AMBRA1: variants seen among roughly 807,000 people sequenced by gnomAD.
AMBRA1 encodes the protein activating molecule in BECN1-regulated autophagy protein 1.
Under a neutral mutation model 125.4 loss-of-function variants are expected in AMBRA1, and 47 were observed. The ratio of observed to expected loss-of-function variants is 0.37; its 90% CI spans 0.30 to 0.48. The LOEUF (loss-of-function observed/expected upper bound fraction) is 0.48. Among genes scored for constraint, AMBRA1 ranks in the 20% least tolerant of loss-of-function variants. The probability of loss-of-function intolerance (pLI) is 0.99; values close to 1 mark genes in which losing one functional copy is unlikely to be tolerated. For missense variants in AMBRA1, 1,331 were observed against 1,693.4 expected, an observed-to-expected ratio of 0.79 and a Z score of 3.76; for synonymous variants, 626 against 655.5, an observed-to-expected ratio of 0.95 and a Z score of 0.69.
chr11:46,423,668 G>A (rs900693934), intron 14 of AMBRA1, among the ~76,000 whole-genome samples: 15 of 152,108 alleles, frequency 9.9e-5, no homozygotes, highest in African/African-American at 3.1e-4. Context: ...TGGGATTACA[G>A]GCGTGAGCCA....
At chr11:46,408,100 G>A (rs1946110609) in intron 17 of AMBRA1, among the ~76,000 whole-genome samples, 2 of 152,186 alleles carry the variant, frequency 1.3e-5, no homozygotes, top group African/African-American at 4.8e-5. Flanking sequence ...GATTGTGAGA[G>A]GTCCTCCCAT....
intron 9 of AMBRA1, among the ~76,000 whole-genome samples, chr11:46,507,536 G>A (rs116404642): frequency 0.018 from 2,670 of 150,998 alleles, 84 homozygotes; most frequent in African/African-American, 0.062. Context: ...GGCTGACCCT[G>A]CTCCTTTAGC....
intron 11 of AMBRA1, among the ~76,000 whole-genome samples, chr11:46,484,547 ATATGGACATTAAGATTTCTACTTTGTAC>A: frequency 6.6e-6 from 1 of 152,336 alleles, no homozygotes; most frequent in Non-Finnish European, 1.5e-5. Context: ...CAATCCAGAC[ATATGGACATTAAGATTTCTACTTTGTAC>A]TAACTTACAT....
At chr11:46,582,459 T>C (rs2044210152) in intron 1 of AMBRA1, among the ~76,000 whole-genome samples, 1 of 152,252 alleles carries the variant, frequency 6.6e-6, no homozygotes, top group Non-Finnish European at 1.5e-5. Flanking sequence ...ATTATTTGTT[T>C]ACTGTCTCTC....
chr11:46,450,133 T>C (rs950175951), intron 11 of AMBRA1, among the ~76,000 whole-genome samples: 2 of 152,066 alleles, frequency 1.3e-5, no homozygotes, highest in Admixed American at 1.3e-4. Context: ...ATTTATTTAT[T>C]CATAATTGTC....
chr11:46,547,269 G>A lies in AMBRA1; in HGVS notation c.222C>T (p.Asn74=). Reference sequence around the variant, plus strand: ...TCACCTCCGTAATATAGATATTATGGTTCACATGGGTGGAGGCTAAGAGAG... The same window carrying A: ...TCACCTCCGTAATATAGATATTATGATTCACATGGGTGGAGGCTAAGAGAG... ...DRTLLASTHV[N]HNIYITEVKT... Residue 74 remains asparagine, a synonymous_variant, in exon 4 of 18, where the codon AAC becomes AAT. Transcript: ENST00000683756. The A allele has an allele frequency of 1.9e-6, 3 of 1,612,662 alleles. No individual in the cohort carries two copies. Among genetic ancestry groups the A allele is most frequent in the Non-Finnish European group, 2.5e-6 (3 of 1,179,580 alleles).
chr11:46,448,012 A>T (rs1948393233), intron 11 of AMBRA1, among the ~76,000 whole-genome samples: 1 of 152,196 alleles, frequency 6.6e-6, no homozygotes, highest in Non-Finnish European at 1.5e-5. Flanking sequence ...CTACAGTTAC[A>T]CTACTACTTA....
Position 46,547,803 on chromosome 11 carries a change from T to TA in AMBRA1, c.194+13dup, listed in dbSNP as rs771797503. The TA allele has an allele frequency of 8.1e-6, 13 of 1,604,576 alleles. No homozygotes were observed. The South Asian group carries it at 1.4e-4, about 18-fold the overall frequency. On this transcript the variant is annotated intron_variant, in intron 3 of 17. Transcript: ENST00000683756. ...GTTATCACAAATCTTAAGTTATAGA[T>TA]AAATACTGAGTACCTGTCTGGGCTG...
At chr11:46,429,288 A>T (rs1947335503) in intron 14 of AMBRA1, 2 of 756,510 alleles carry the variant, frequency 2.6e-6, no homozygotes, top group East Asian at 5.4e-5. Context: ...GGGGAGTGGG[A>T]GAGAGGCCCC....
At chr11:46,570,933 A>G (rs1016910990) in intron 1 of AMBRA1, among the ~76,000 whole-genome samples, 5 of 152,218 alleles carry the variant, frequency 3.3e-5, no homozygotes, top group Non-Finnish European at 5.9e-5. Flanking sequence ...AATGAACAAA[A>G]AAGGCCTCTA....
chr11:46,486,345 C>T (rs1430028776), intron 11 of AMBRA1, among the ~76,000 whole-genome samples: 5 of 152,098 alleles, frequency 3.3e-5, no homozygotes, highest in Non-Finnish European at 7.4e-5. Context: ...TCACGATGGC[C>T]CTTAACTGCA....
intron 1 of AMBRA1, among the ~76,000 whole-genome samples, chr11:46,575,512 CTTTTTTTTTTT>C (rs775796043): frequency 3.0e-5 from 3 of 100,412 alleles, no homozygotes; most frequent in Non-Finnish European, 5.9e-5. Flanking sequence ...TTTTTCTTTC[CTTTTTTTTTTT>C]TTTTTTTTTT....
intron 1 of AMBRA1, among the ~76,000 whole-genome samples, chr11:46,589,786 A>AT (rs113572880): frequency 1.3e-5 from 2 of 151,240 alleles, no homozygotes; most frequent in Middle Eastern, 3.4e-3. Context: ...TTCCCCGCTA[A>AT]TTTTTTTTGT....
chr11:46,522,640 C>A (rs1042391238), intron 7 of AMBRA1, among the ~76,000 whole-genome samples: 5 of 152,260 alleles, frequency 3.3e-5, no homozygotes, highest in African/African-American at 1.2e-4. Context: ...CACTGATTTC[C>A]CCCTGGAATT....
Position 46,397,387 on chromosome 11 carries a change from T to C in AMBRA1, c.*63A>G, listed in dbSNP as rs1945505601. 34 of 1,441,868 alleles carry C rather than the reference T, an allele frequency of 2.4e-5. No homozygotes were observed. In the South Asian group the frequency reaches 5.4e-4, roughly 23 times the overall value. 89.3% of individuals were successfully genotyped at this position (1,441,868 alleles called of 1,614,324 possible). A position where few individuals can be genotyped will look rare whatever the true frequency, so the allele number is the denominator to read the frequency against. On this transcript the variant is annotated 3_prime_UTR_variant, in exon 18 of 18. Coordinates refer to ENST00000683756, the MANE Select transcript of AMBRA1 (RefSeq NM_001387011.1). ...GCTCTTCCACATGTCCAGTTCCCAG[T>C]CAGCTGTGAGGTCCGGTTTCTGCTT...
At chr11:46,563,921 G>A (rs1191627270) in intron 1 of AMBRA1, among the ~76,000 whole-genome samples, 2 of 151,058 alleles carry the variant, frequency 1.3e-5, no homozygotes, top group East Asian at 3.9e-4. Flanking sequence ...GGGGTGTGTG[G>A]ATCACCTGAA....
intron 1 of AMBRA1, among the ~76,000 whole-genome samples, chr11:46,583,659 A>C (rs1268793987): frequency 1.6e-4 from 21 of 128,882 alleles, no homozygotes; most frequent in Non-Finnish European, 2.5e-4. Context: ...TTCCAAAAAA[A>C]AAAAAAAAAA....
At chr11:46,545,484 T>G in intron 5 of AMBRA1, 120 bp downstream of exon 5, 2 of 1,203,324 alleles carry the variant, frequency 1.7e-6, no homozygotes, top group Non-Finnish European at 2.3e-6. Flanking sequence ...GGAGGAGCTA[T>G]GAGGATGACA....
At position 46,542,733 on chromosome 11, in the gene AMBRA1, G is replaced by C; in HGVS notation, c.1284C>G (p.Ser428=). 6.2e-7 allele frequency: 1 copy of C among 1,614,010 alleles called. No homozygotes were observed. The highest frequency in any genetic ancestry group is 8.5e-7 in the Non-Finnish European group (1 of 1,180,002). The change falls in exon 7 of 18, where the codon TCC becomes TCG. Residue 428 remains serine (S), a synonymous_variant. Transcript: ENST00000683756. The surrounding 1 kb of genome is among the most constrained non-coding windows in gnomAD (Gnocchi z 5.9). The part of the protein sequence containing the change: ...EWTRTVLSLN[S]RSEAESMPPP... ...GGGGCATGGATTCCGCCTCAGAGCGGGAGTTCAGACTGAGTACTGTCCGGG... is the reference window on the plus strand; with the variant it reads ...GGGGCATGGATTCCGCCTCAGAGCGCGAGTTCAGACTGAGTACTGTCCGGG...
Sources: gnomAD v4.1 joint callset for allele counts (sites outside exome capture counted in the v4.1 genomes callset) on GRCh38, gnomAD v4.1.1 for gene constraint, Gnocchi (gnomAD v3.1) non-coding constraint, MANE v1.5 for transcripts, NCBI Gene and HGNC (gene_info 2026-07-23, HGNC 2026-07-21) for gene names.